Variants in ADGRL2 observed in about 807,000 individuals in gnomAD.
The protein encoded by ADGRL2 is adhesion G protein-coupled receptor L2.
In ADGRL2, 44 loss-of-function variants were observed where a neutral mutation model predicts 157.4. That is an observed-to-expected ratio of 0.28 (90% CI 0.22 to 0.36). The LOEUF (loss-of-function observed/expected upper bound fraction) is 0.36, where lower values mean the gene tolerates loss of function less well. Ranked by LOEUF, ADGRL2 falls within the 10% of genes least tolerant of loss-of-function variation. ADGRL2 has a pLI of 1.00. For synonymous variants in ADGRL2, 585 were observed against 624.7 expected, an observed-to-expected ratio of 0.94 and a Z score of 0.95; for missense variants, 1,510 against 1,768.9, an observed-to-expected ratio of 0.85 and a Z score of 2.63.
chr1:81,615,245 C>T (rs148243902), intron 3 of ADGRL2, among the ~76,000 whole-genome samples: 1,559 of 152,206 alleles, frequency 0.01, 19 homozygotes, highest in East Asian at 0.048. Flanking sequence ...CTCTGTAAAA[C>T]GGACCAATCA....
At chr1:81,876,093 A>G (rs1319954757) in intron 2 of ADGRL2, among the ~76,000 whole-genome samples, 1 of 152,190 alleles carries the variant, frequency 6.6e-6, no homozygotes, top group East Asian at 1.9e-4. Flanking sequence ...CAGAGTTACC[A>G]TATTTGAGCT....
chr1:81,809,182 C>CAG (rs2089541464), intron 1 of ADGRL2, among the ~76,000 whole-genome samples: 1 of 151,982 alleles, frequency 6.6e-6, no homozygotes, highest in African/African-American at 2.4e-5. Context: ...ACAGGGATTA[C>CAG]ACCTTAATCT....
chr1:81,653,777 G>C (rs2082472905), intron 3 of ADGRL2, among the ~76,000 whole-genome samples: 1 of 151,976 alleles, frequency 6.6e-6, no homozygotes, highest in Non-Finnish European at 1.5e-5. Flanking sequence ...GTTTAGATAT[G>C]GTTGCTATAT....
At chr1:81,621,884 T>C (rs2081798428) in intron 3 of ADGRL2, among the ~76,000 whole-genome samples, 2 of 152,210 alleles carry the variant, frequency 1.3e-5, no homozygotes, top group South Asian at 4.1e-4. Context: ...AAGACACAGC[T>C]TGACTCCCTC....
intron 1 of ADGRL2, among the ~76,000 whole-genome samples, chr1:81,734,144 T>G (rs1025804042): frequency 6.6e-6 from 1 of 150,474 alleles, no homozygotes; most frequent in Non-Finnish European, 1.5e-5. Flanking sequence ...GGCATGGTGG[T>G]GCATGCCTGT....
intron 1 of ADGRL2, among the ~76,000 whole-genome samples, chr1:81,822,279 G>C (rs1383730246): frequency 2.0e-5 from 3 of 151,770 alleles, no homozygotes; most frequent in African/African-American, 7.2e-5. Context: ...GGATATTGCT[G>C]ATGGAAACAA....
At chr1:81,321,828 C>T (rs1660521840) in intron 1 of ADGRL2, among the ~76,000 whole-genome samples, 1 of 120,788 alleles carries the variant, frequency 8.3e-6, no homozygotes, top group Non-Finnish European at 1.9e-5. Context: ...TGATTACATG[C>T]TGTTGAAAAA....
In ADGRL2 at chr1:81,742,838, G is replaced by C. The variant is rs375482856; in HGVS notation, c.-142-18973G>C. Among the ~76,000 whole-genome samples the C allele has an allele frequency of 6.6e-4, 101 of 152,030 alleles. 2 individuals are homozygous for C. In the South Asian group the frequency reaches 0.02, roughly 31 times the overall value. ...TCAGTCTTACCACAAATTTTTCTCT[G>C]TCTCCAAGCCATTGCTTTTCCCAGA... On this transcript the variant is annotated intron_variant, in intron 1 of 20. Transcript: ENST00000359929.
chr1:81,626,123 A>T (rs550623822), intron 3 of ADGRL2, among the ~76,000 whole-genome samples: 70 of 152,294 alleles, frequency 4.6e-4, no homozygotes, highest in African/African-American at 1.7e-3. Flanking sequence ...ACTCTGTCAC[A>T]AAGCCCGATC....
chr1:81,778,503 T>G (rs1419709470), intron 2 of ADGRL2, among the ~76,000 whole-genome samples: 1 of 152,152 alleles, frequency 6.6e-6, no homozygotes, highest in Admixed American at 6.6e-5. Context: ...AACAGCTTAC[T>G]CTTTTGGAAT....
intron 2 of ADGRL2, among the ~76,000 whole-genome samples, chr1:81,858,278 A>G (rs1474686258): frequency 6.6e-6 from 1 of 152,204 alleles, no homozygotes; most frequent in African/African-American, 2.4e-5. Context: ...GCCAGATCCA[A>G]TAACACATAG....
chr1:81,429,794 G>T (rs139480762), intron 1 of ADGRL2, among the ~76,000 whole-genome samples: 1 of 152,204 alleles, frequency 6.6e-6, no homozygotes, highest in Non-Finnish European at 1.5e-5. Flanking sequence ...GCCAGGCAAC[G>T]TTTCGGGTAA....
chr1:81,448,304 C>T (rs563522027), intron 2 of ADGRL2, among the ~76,000 whole-genome samples: 2 of 151,808 alleles, frequency 1.3e-5, no homozygotes, highest in South Asian at 4.2e-4. Flanking sequence ...CGCCACCACA[C>T]CCAACTAATT....
intron 2 of ADGRL2, among the ~76,000 whole-genome samples, chr1:81,452,315 T>A (rs2077717010): frequency 6.6e-6 from 1 of 152,178 alleles, no homozygotes; most frequent in Non-Finnish European, 1.5e-5. Context: ...TCTGGATTTG[T>A]TTACTAATCA....
chr1:81,499,177 C>T (rs951222893), intron 2 of ADGRL2, among the ~76,000 whole-genome samples: 2 of 152,240 alleles, frequency 1.3e-5, no homozygotes, highest in South Asian at 4.1e-4. Flanking sequence ...TAAGAGAGAA[C>T]ATGACATGTA....
intron 1 of ADGRL2, among the ~76,000 whole-genome samples, chr1:81,441,488 C>T (rs574363716): frequency 6.6e-6 from 1 of 152,220 alleles, no homozygotes; most frequent in Non-Finnish European, 1.5e-5. Context: ...CTAGCCCAAA[C>T]TGAATATTCA....
chr1:81,329,373 G>A (rs1046355222), intron 1 of ADGRL2, among the ~76,000 whole-genome samples: 2 of 151,948 alleles, frequency 1.3e-5, no homozygotes, highest in African/African-American at 2.4e-5. Context: ...CAGTTTTGTA[G>A]ACAGACATAT....
intron 1 of ADGRL2, among the ~76,000 whole-genome samples, chr1:81,379,231 T>A (rs371566836): frequency 6.6e-6 from 1 of 152,150 alleles, no homozygotes; most frequent in Non-Finnish European, 1.5e-5. Flanking sequence ...GCTTCTTCAG[T>A]GCTCCGCTGC....
intron 1 of ADGRL2, among the ~76,000 whole-genome samples, chr1:81,355,496 T>G (rs1663216610): frequency 6.6e-6 from 1 of 152,196 alleles, no homozygotes; most frequent in African/African-American, 2.4e-5. Context: ...CCAAAAAAGT[T>G]TCTTAATCTA....
Sources: gnomAD v4.1 joint callset for allele counts (sites outside exome capture counted in the v4.1 genomes callset) on GRCh38, gnomAD v4.1.1 for gene constraint, MANE v1.5 for transcripts, NCBI Gene and HGNC (gene_info 2026-07-23, HGNC 2026-07-21) for gene names.